The following MACC1 variants were observed in gnomAD, a reference collection of about 807,000 sequenced individuals.
MACC1 encodes MET transcriptional regulator MACC1.
Under a neutral mutation model 70.7 loss-of-function variants are expected in MACC1, and 79 were observed. The observed-to-expected ratio is 1.12, with a 90% confidence interval of 0.93 to 1.35. The LOEUF (loss-of-function observed/expected upper bound fraction) is 1.35, where lower values mean the gene tolerates loss of function less well. MACC1 is among the 40% of genes most tolerant of loss of function. The pLI is 0.00. For synonymous variants in MACC1, 361 were observed against 347.2 expected (o/e 1.04, Z -0.44); for missense variants, 1,106 against 978.1 (o/e 1.13, Z -1.74).
intron 1 of MACC1, among the ~76,000 whole-genome samples, chr7:20,215,197 G>A (rs1172173362): frequency 6.6e-6 from 1 of 152,086 alleles, no homozygotes; most frequent in Non-Finnish European, 1.5e-5. Context: ...CACACTTTCT[G>A]TGGAGTGACT....
rs147461644 is a variant in MACC1, at chr7:20,172,912, C to T, written c.-217-2134G>A. ...CAGCTGGGGAGACGGGAAAAAGCCT[C>T]AGAGTTGTCCCCACAGCACCACCTG... On this transcript the variant is annotated intron_variant, in intron 1 of 6. Transcript: ENST00000400331. Among the ~76,000 whole-genome samples the T allele has an allele frequency of 7.3e-3, 1,113 of 152,318 alleles. 8 individuals are homozygous for T. The highest frequency in any genetic ancestry group is 0.024 in the Middle Eastern group (7 of 294).
At chr7:20,144,982 A>G (rs547791934) in intron 6 of MACC1, among the ~76,000 whole-genome samples, 17 of 152,322 alleles carry the variant, frequency 1.1e-4, no homozygotes, top group African/African-American at 3.6e-4. Context: ...TAACATCCCA[A>G]AAAGGACATG....
chr7:20,180,486 T>C (rs1782487108), intron 1 of MACC1, among the ~76,000 whole-genome samples: 1 of 151,880 alleles, frequency 6.6e-6, no homozygotes, highest in Admixed American at 6.6e-5. Flanking sequence ...AGGCTTAAAT[T>C]AGCAAAGCAT....
rs182113773 is a variant in MACC1, at chr7:20,200,214, C to A, written c.-218+17085G>T. Among the ~76,000 whole-genome samples, 1,331 of 151,600 alleles carry A rather than the reference C, an allele frequency of 8.8e-3. 7 individuals are homozygous for A. The highest frequency in any genetic ancestry group is 0.014 in the Non-Finnish European group (960 of 67,894). On this transcript the variant is annotated intron_variant, in intron 1 of 6. Transcript: ENST00000400331. ...GGCTAACTGAAAAAACACGAAGAAT[C>A]TTTTAAAAGATTACTAGATTACTAG...
intron 1 of MACC1, among the ~76,000 whole-genome samples, chr7:20,179,453 C>T (rs77360505): frequency 0.095 from 14,445 of 152,222 alleles, 870 homozygotes; most frequent in Admixed American, 0.16. Flanking sequence ...ATTCTGTGCT[C>T]TCTTCTCTCT....
chr7:20,184,624 G>A (rs1014713910), intron 1 of MACC1, among the ~76,000 whole-genome samples: 2 of 152,178 alleles, frequency 1.3e-5, no homozygotes, highest in Non-Finnish European at 2.9e-5. Context: ...ATCTGTTCAG[G>A]AGAATGGTAC....
At chr7:20,174,503 T>C (rs558491858) in intron 1 of MACC1, among the ~76,000 whole-genome samples, 4 of 152,274 alleles carry the variant, frequency 2.6e-5, no homozygotes, top group Admixed American at 2.0e-4. Context: ...AAAAGCAAGG[T>C]ATAAAAGATT....
rs1056443526 is a variant in MACC1, at chr7:20,137,460, A to G, written c.*3486T>C. ...AATTGTTTCATATAAAGGCTTTAAC[A>G]CAAAGGAGGTAGAGGATCTGTGGCT... is the stretch of plus-strand genomic sequence containing the variant. On this transcript the variant is annotated 3_prime_UTR_variant, in exon 7 of 7. Coordinates refer to ENST00000400331, the MANE Select transcript of MACC1 (RefSeq NM_182762.4). 6.6e-6 allele frequency: 1 copy of G among 152,222 alleles called. No individual in the cohort carries two copies. The highest frequency in any genetic ancestry group is 1.5e-5 in the Non-Finnish European group (1 of 68,034). The allele number at this position is 152,222 out of a possible 1,614,324, so 9.4% of individuals were successfully genotyped here.
chr7:20,209,967 G>T (rs542143746), intron 1 of MACC1, among the ~76,000 whole-genome samples: 1 of 152,230 alleles, frequency 6.6e-6, no homozygotes, highest in South Asian at 2.1e-4. Flanking sequence ...CTCTCCTGCT[G>T]CCCTGTGAAG....
intron 1 of MACC1, among the ~76,000 whole-genome samples, chr7:20,177,322 A>C (rs1200066707): frequency 3.3e-5 from 5 of 152,166 alleles, no homozygotes; most frequent in African/African-American, 4.8e-5. Flanking sequence ...TATGCTGTTC[A>C]AATACACTCT....
intron 1 of MACC1, among the ~76,000 whole-genome samples, chr7:20,215,464 C>G (rs1783055459): frequency 6.6e-6 from 1 of 152,200 alleles, no homozygotes; most frequent in African/African-American, 2.4e-5. Flanking sequence ...TAGAAGTATA[C>G]AGTGTTCAGT....
intron 1 of MACC1, chr7:20,184,946 A>C (rs1782562046): frequency 6.6e-6 from 1 of 152,178 alleles, no homozygotes; most frequent in Non-Finnish European, 1.5e-5. Flanking sequence ...AAACATTATT[A>C]TACTAAGTCT....
chr7:20,210,413 G>A (rs1461693821), intron 1 of MACC1, among the ~76,000 whole-genome samples: 1 of 152,100 alleles, frequency 6.6e-6, no homozygotes, highest in Non-Finnish European at 1.5e-5. Context: ...TACGTTTTAT[G>A]TATGTATTTG....
chr7:20,211,036 G>C (rs547090887), intron 1 of MACC1, among the ~76,000 whole-genome samples: 2 of 152,158 alleles, frequency 1.3e-5, no homozygotes, highest in Non-Finnish European at 2.9e-5. Context: ...GTGTATGTAT[G>C]CTCTTTTGAT....
At position 20,159,863 on chromosome 7, in the gene MACC1, G is replaced by A. The variant is rs146810957; in HGVS notation, c.498C>T (p.His166=). Residue 166 remains histidine (H), a synonymous_variant, in exon 5 of 7, where the codon CAC becomes CAT. Coordinates refer to ENST00000400331, the MANE Select transcript of MACC1 (RefSeq NM_182762.4). ...SIHNSDQILL[H]DLEWLKNDRE... is the part of the protein sequence containing the mutation. Reference sequence around the variant, plus strand: ...GATCATTTTTAAGCCACTCTAAGTCGTGTAGTAGGATCTGGTCAGAGTTAT... The same window carrying A: ...GATCATTTTTAAGCCACTCTAAGTCATGTAGTAGGATCTGGTCAGAGTTAT... 493 of 1,614,136 alleles carry A rather than the reference G, an allele frequency of 3.1e-4. 1 individual carries two copies. Among genetic ancestry groups the A allele is most frequent in the Non-Finnish European group, 3.8e-4 (451 of 1,180,020 alleles).
chr7:20,182,281 T>G (rs924230280), intron 1 of MACC1, among the ~76,000 whole-genome samples: 2 of 152,100 alleles, frequency 1.3e-5, no homozygotes, highest in Non-Finnish European at 2.9e-5. Flanking sequence ...ACATGGCACA[T>G]GTATACATAT....
At chr7:20,190,305 A>G (rs558620009) in intron 1 of MACC1, among the ~76,000 whole-genome samples, 1 of 152,356 alleles carries the variant, frequency 6.6e-6, no homozygotes, top group South Asian at 2.1e-4. Context: ...CAATCATGGC[A>G]AAATAAATGT....
At chr7:20,173,467 T>C (rs574254616) in intron 1 of MACC1, among the ~76,000 whole-genome samples, 22 of 152,304 alleles carry the variant, frequency 1.4e-4, no homozygotes, top group African/African-American at 5.3e-4. Flanking sequence ...CTTAGTGTGA[T>C]TGTCAGGGTC....
intron 6 of MACC1, among the ~76,000 whole-genome samples, chr7:20,150,845 G>A (rs146161999): frequency 1.2e-3 from 189 of 152,164 alleles, no homozygotes; most frequent in African/African-American, 4.4e-3. Flanking sequence ...TCAGGAGTTC[G>A]AGACCAGCCT....
Sources: allele counts gnomAD v4.1 joint callset (sites outside exome capture counted in the v4.1 genomes callset), GRCh38; gene constraint gnomAD v4.1.1; transcripts MANE v1.5; gene names NCBI Gene and HGNC (gene_info 2026-07-23, HGNC 2026-07-21).